Variants in XKR4 observed in about 807,000 individuals in gnomAD.
XKR4 encodes XK related 4, also known as XK-related protein 4.
In XKR4, 12 loss-of-function variants were observed where a neutral mutation model predicts 53.9. The observed-to-expected ratio is 0.22, with a 90% CI of 0.14 to 0.36. XKR4 has a LOEUF of 0.36. Ranked by LOEUF, XKR4 falls within the 10% of genes least tolerant of loss-of-function variation. The probability of loss-of-function intolerance (pLI) is 1.00; values close to 1 mark genes in which losing one functional copy is unlikely to be tolerated. For missense variants in XKR4, 799 were observed against 859.5 expected (o/e 0.93, Z 0.88); for synonymous variants, 354 against 362.4 (o/e 0.98, Z 0.26).
At chr8:55,495,750 C>T (rs2939674) in intron 2 of XKR4, among the ~76,000 whole-genome samples, 8,167 of 152,268 alleles carry the variant, frequency 0.054, 608 homozygotes, top group East Asian at 0.28. Flanking sequence ...GCAGCTCAGT[C>T]GACTGCCTTA....
chr8:55,503,359 T>G (rs1035675772), intron 2 of XKR4, among the ~76,000 whole-genome samples: 11 of 152,154 alleles, frequency 7.2e-5, no homozygotes, highest in Non-Finnish European at 1.2e-4. Flanking sequence ...TTTCATTTCC[T>G]TTAGCAACAT....
At chr8:55,122,050 T>G (rs1372573853) in intron 1 of XKR4, among the ~76,000 whole-genome samples, 1 of 152,220 alleles carries the variant, frequency 6.6e-6, no homozygotes, top group Non-Finnish European at 1.5e-5. Context: ...AATCTATAAA[T>G]TGTTATAGTA....
chr8:55,367,759 C>T (rs1804013334), intron 2 of XKR4, among the ~76,000 whole-genome samples: 1 of 152,130 alleles, frequency 6.6e-6, no homozygotes, highest in South Asian at 2.1e-4. Flanking sequence ...CACCCCCGAT[C>T]CAGTCCATCA....
At chr8:55,333,127 T>A (rs909367036) in intron 1 of XKR4, among the ~76,000 whole-genome samples, 8 of 152,122 alleles carry the variant, frequency 5.3e-5, no homozygotes, top group African/African-American at 1.9e-4. Flanking sequence ...TTTTCCTGAG[T>A]TTTTCTTTTT....
chr8:55,457,407 G>T (rs763080022), intron 2 of XKR4, among the ~76,000 whole-genome samples: 3 of 152,192 alleles, frequency 2.0e-5, no homozygotes, highest in Non-Finnish European at 4.4e-5. Flanking sequence ...CTCCCAAAGT[G>T]CTGGGATTAT....
At chr8:55,329,941 A>G (rs1803359690) in intron 1 of XKR4, among the ~76,000 whole-genome samples, 1 of 152,182 alleles carries the variant, frequency 6.6e-6, no homozygotes, top group South Asian at 2.1e-4. Context: ...AATCTCTCCA[A>G]GCTTCAGGCT....
chr8:55,333,782 C>T (rs10089802), intron 1 of XKR4, among the ~76,000 whole-genome samples: 18,191 of 152,114 alleles, frequency 0.12, 1,279 homozygotes, highest in Non-Finnish European at 0.16. Flanking sequence ...GTCTGATTCA[C>T]ACTCCTGGTT....
intron 2 of XKR4, among the ~76,000 whole-genome samples, chr8:55,366,338 G>A (rs140776806): frequency 2.6e-5 from 4 of 152,308 alleles, no homozygotes; most frequent in East Asian, 1.9e-4. Context: ...TGATAACGAA[G>A]CTTGTTAAAG....
chr8:55,309,799 T>G (rs1024979722), intron 1 of XKR4, among the ~76,000 whole-genome samples: 8 of 152,212 alleles, frequency 5.3e-5, no homozygotes, highest in African/African-American at 1.9e-4. Flanking sequence ...TCTTGCTGCT[T>G]ATTATAGCCA....
At chr8:55,408,251 C>A (rs920358983) in intron 2 of XKR4, among the ~76,000 whole-genome samples, 7 of 152,204 alleles carry the variant, frequency 4.6e-5, no homozygotes, top group African/African-American at 1.7e-4. Flanking sequence ...CCTAACGACC[C>A]TTGGAAGTTG....
At chr8:55,282,471 A>G (rs1818856725) in intron 1 of XKR4, among the ~76,000 whole-genome samples, 1 of 152,198 alleles carries the variant, frequency 6.6e-6, no homozygotes, top group African/African-American at 2.4e-5. Flanking sequence ...GTTTTAAACC[A>G]TGGTCAAAGT....
chr8:55,423,059 A>C (rs941869447), intron 2 of XKR4, among the ~76,000 whole-genome samples: 6 of 152,144 alleles, frequency 3.9e-5, no homozygotes, highest in African/African-American at 7.2e-5. Context: ...AATCAACAAC[A>C]ACACACATCT....
intron 2 of XKR4, among the ~76,000 whole-genome samples, chr8:55,397,905 C>A (rs1804545648): frequency 6.6e-6 from 1 of 152,272 alleles, no homozygotes; most frequent in Admixed American, 6.5e-5. Context: ...GGGTGGGAAC[C>A]ATCCAAGGGC....
chr8:55,514,978 T>C (rs1806689112), intron 2 of XKR4, among the ~76,000 whole-genome samples: 2 of 152,188 alleles, frequency 1.3e-5, no homozygotes, highest in African/African-American at 4.8e-5. Flanking sequence ...TATAATGGAA[T>C]GGAGCTATGT....
At chr8:55,227,254 G>A (rs1817965581) in intron 1 of XKR4, among the ~76,000 whole-genome samples, 1 of 152,224 alleles carries the variant, frequency 6.6e-6, no homozygotes, top group African/African-American at 2.4e-5. Flanking sequence ...TGAAAGATGT[G>A]ATGATCCCAC....
In XKR4 at chr8:55,539,683, T is replaced by G. The variant is rs1389389335; in HGVS notation, c.*15456T>G. The G allele has an allele frequency of 6.6e-6, 1 of 152,166 alleles. No individual in the cohort carries two copies. The highest frequency in any genetic ancestry group is 6.5e-5 in the Admixed American group (1 of 15,272). The allele number at this position is 152,166 out of a possible 1,614,324, so 9.4% of individuals were successfully genotyped here. On this transcript the variant is annotated 3_prime_UTR_variant, in exon 3 of 3. Transcript: ENST00000327381. ...GTCAAAAAATAATTGGGACTGTCCTTTTTCCCCTGCCCACTTCCTAGTATC... is the reference window on the plus strand; with the variant it reads ...GTCAAAAAATAATTGGGACTGTCCTGTTTCCCCTGCCCACTTCCTAGTATC...
chr8:55,365,918 G>A (rs1407907654), intron 2 of XKR4, among the ~76,000 whole-genome samples: 5 of 152,130 alleles, frequency 3.3e-5, no homozygotes, highest in East Asian at 1.9e-4. Flanking sequence ...CAGAAGGGGT[G>A]CAACCTCGCA....
In XKR4 at chr8:55,523,894, C is replaced by G. The variant is rs771129861; in HGVS notation, c.1620C>G (p.Asp540Glu). 1 of 1,614,192 alleles carries G rather than the reference C, an allele frequency of 6.2e-7. No homozygotes were observed. Among genetic ancestry groups the G allele is most frequent in the Non-Finnish European group, 8.5e-7 (1 of 1,180,030 alleles). ...DPAAAFTLPP[D>E]VATSTLRSIS... Reference sequence around the variant, plus strand: ...CCGCTGCCTTCACTTTGCCCCCAGACGTGGCCACAAGCACCCTACGGTCCA... The same window carrying G: ...CCGCTGCCTTCACTTTGCCCCCAGAGGTGGCCACAAGCACCCTACGGTCCA... Residue 540 changes from aspartate to glutamate, a missense_variant, in exon 3 of 3, where the codon GAC becomes GAG. Transcript: ENST00000327381.
intron 1 of XKR4, among the ~76,000 whole-genome samples, chr8:55,191,499 T>G (rs1004238059): frequency 6.6e-6 from 1 of 152,172 alleles, no homozygotes; most frequent in African/African-American, 2.4e-5. Context: ...ATCTGCTCTC[T>G]AATGATCTTC....
Sources: allele counts gnomAD v4.1 joint callset (sites outside exome capture counted in the v4.1 genomes callset), GRCh38; gene constraint gnomAD v4.1.1; transcripts MANE v1.5; gene names NCBI Gene and HGNC (gene_info 2026-07-23, HGNC 2026-07-21).